ZNF784: variants seen among roughly 807,000 people sequenced by gnomAD.
ZNF784 encodes the protein zinc finger protein 784.
Under a neutral mutation model 3.3 loss-of-function variants are expected in ZNF784, and 5 were observed. That is an observed-to-expected ratio of 1.53 (90% CI 0.80 to 3.22). The LOEUF (loss-of-function observed/expected upper bound fraction) is 3.22, where lower values mean the gene tolerates loss of function less well. ZNF784 is among the 30% of genes most tolerant of loss of function. ZNF784 has a pLI of 0.00. For synonymous variants in ZNF784, 231 were observed against 219.6 expected (o/e 1.05, Z -0.46); for missense variants, 501 against 480.7 (o/e 1.04, Z -0.39).
rs1981586716 is a variant in ZNF784, at chr19:55,622,177, C to T, written c.546G>A (p.Val182=). The change falls in exon 2 of 2, where the codon GTG becomes GTA. Residue 182 remains valine, a synonymous_variant. Transcript: ENST00000325351. This position sits in a 1 kb window ranked among gnomAD's most constrained non-coding sequence, Gnocchi z 5.9. Reference sequence around the variant, plus strand: ...CTGCGCCCGCCGCCGCCGCCGCCATCACCACCTCCGCCCTCTCCGGGGCCA... The same window carrying T: ...CTGCGCCCGCCGCCGCCGCCGCCATTACCACCTCCGCCCTCTCCGGGGCCA... ...PGVAPERAEV[V]MAAAAAGAAV... 3.3e-6 allele frequency: 5 copies of T among 1,533,816 alleles called. No individual in the cohort carries two copies. The highest frequency in any genetic ancestry group is 2.0e-5 in the Admixed American group (1 of 50,874).
intron 1 of ZNF784, among the ~76,000 whole-genome samples, chr19:55,623,362 TCAA>T (rs1302751065): frequency 1.3e-5 from 2 of 152,172 alleles, no homozygotes; most frequent in Non-Finnish European, 2.9e-5. Flanking sequence ...TGTATCCTCA[TCAA>T]CATTTCCTCT....
chr19:55,621,860 T>A lies in ZNF784; in HGVS notation c.863A>T (p.Gln288Leu). The change falls in exon 2 of 2, where the codon CAG (glutamine) becomes CTG (leucine). Residue 288 changes from glutamine to leucine, a missense_variant. Coordinates refer to ENST00000325351, the MANE Select transcript of ZNF784 (RefSeq NM_203374.2). This position sits in a 1 kb window ranked among gnomAD's most constrained non-coding sequence, Gnocchi z 4.1. ...PGPGLGDSGGQLGSSAAEGSG... is the reference protein window; with the variant it reads ...PGPGLGDSGGLLGSSAAEGSG... ...CCCCTCAGCCGCCGACGAGCCCAGCTGGCCTCCAGAGTCTCCCAGCCCCGG... is the reference window on the plus strand; with the variant it reads ...CCCCTCAGCCGCCGACGAGCCCAGCAGGCCTCCAGAGTCTCCCAGCCCCGG... The A allele has an allele frequency of 2.5e-6, 4 of 1,571,726 alleles. No individual in the cohort carries two copies. The highest frequency in any genetic ancestry group is 3.4e-6 in the Non-Finnish European group (4 of 1,165,262).
In ZNF784 at chr19:55,622,517, A is replaced by G. The variant is rs761769271; in HGVS notation, c.206T>C (p.Leu69Ser). 1.9e-6 allele frequency: 3 copies of G among 1,612,762 alleles called. No homozygotes were observed. The highest frequency in any genetic ancestry group is 2.5e-6 in the Non-Finnish European group (3 of 1,179,778). Reference protein sequence around the residue: ...PPEPGSFHCALCPAAFRLVSE... With the variant: ...PPEPGSFHCASCPAAFRLVSE... ...AACCAGCCGGAAGGCAGCAGGGCAC[A>G]AGGCACAGTGGAAAGAACCTGGCTC... The change falls in exon 2 of 2, where the codon TTG (leucine) becomes TCG (serine). Residue 69 changes from leucine to serine, a missense_variant. Transcript: ENST00000325351. This position sits in a 1 kb window ranked among gnomAD's most constrained non-coding sequence, Gnocchi z 5.9.
At position 55,621,627 on chromosome 19, in the gene ZNF784, G is replaced by A. The variant is rs922671676; in HGVS notation, c.*124C>T. On this transcript the variant is annotated 3_prime_UTR_variant, in exon 2 of 2. Coordinates refer to ENST00000325351, the MANE Select transcript of ZNF784 (RefSeq NM_203374.2). The surrounding 1 kb of genome is among the most constrained non-coding windows in gnomAD (Gnocchi z 4.1). Reference sequence around the variant, plus strand: ...TCACTAGCGGCTCACAACCATCCCTGCAGCTGTCATCTCTCCCCCAATCTC... The same window carrying A: ...TCACTAGCGGCTCACAACCATCCCTACAGCTGTCATCTCTCCCCCAATCTC... The A allele has an allele frequency of 2.3e-6, 3 of 1,290,760 alleles. No homozygotes were observed. Among genetic ancestry groups the A allele is most frequent in the African/African-American group, 2.9e-5 (2 of 69,194 alleles). 80.0% of individuals were successfully genotyped at this position (1,290,760 alleles called of 1,614,324 possible).
rs1208462891 is a variant in ZNF784, at chr19:55,622,309, G to A, written c.414C>T (p.Phe138=). ...GCCGGAGCAGGGGCGCCAAGGCCTT[G>A]AAGGCGCGGGGGCAGAGCGCGCAGC... is the stretch of plus-strand genomic sequence containing the variant. ...PYRCALCPRA[F]KALAPLLRHQ... is the part of the protein sequence containing the mutation. Residue 138 remains phenylalanine, a synonymous_variant, in exon 2 of 2, where the codon TTC becomes TTT. Coordinates refer to ENST00000325351, the MANE Select transcript of ZNF784 (RefSeq NM_203374.2). This position sits in a 1 kb window ranked among gnomAD's most constrained non-coding sequence, Gnocchi z 5.9. The A allele has an allele frequency of 1.3e-6, 2 of 1,519,306 alleles. No individual in the cohort carries two copies. Among genetic ancestry groups the A allele is most frequent in the Non-Finnish European group, 1.8e-6 (2 of 1,135,840 alleles). The allele number at this position is 1,519,306 out of a possible 1,614,324, so 94.1% of individuals were successfully genotyped here.
chr19:55,623,975 C>T (rs73934393), intron 1 of ZNF784, among the ~76,000 whole-genome samples: 2,787 of 152,138 alleles, frequency 0.018, 96 homozygotes, highest in African/African-American at 0.064. Flanking sequence ...TCACCTAGAC[C>T]ACCCACTTCT....
chr19:55,622,450 G>T lies in ZNF784; in HGVS notation c.273C>A (p.Ala91=). 13 of 1,606,754 alleles carry T rather than the reference G, an allele frequency of 8.1e-6. No homozygotes were observed. Among genetic ancestry groups the T allele is most frequent in the Non-Finnish European group, 1.1e-5 (13 of 1,177,048 alleles). Residue 91 remains alanine, a synonymous_variant, in exon 2 of 2, where the codon GCC becomes GCA. Coordinates refer to ENST00000325351, the MANE Select transcript of ZNF784 (RefSeq NM_203374.2). This position sits in a 1 kb window ranked among gnomAD's most constrained non-coding sequence, Gnocchi z 5.9. ...GGTCCCCACCCTGCCCGCCTCCCTC[G>T]GCCCCAGCCAAGTGGCCATGTTCGT... is the stretch of plus-strand genomic sequence containing the variant. ...LFHEHGHLAG[A]EGGGQGGDPS...
chr19:55,622,016 G>A lies in ZNF784; in HGVS notation c.707C>T (p.Ser236Phe). 1 of 1,594,124 alleles carries A rather than the reference G, an allele frequency of 6.3e-7. No homozygotes were observed. The highest frequency in any genetic ancestry group is 1.7e-5 in the Admixed American group (1 of 59,454). Residue 236 changes from serine (S) to phenylalanine (F), a missense_variant, in exon 2 of 2, where the codon TCC becomes TTC. Coordinates refer to ENST00000325351, the MANE Select transcript of ZNF784 (RefSeq NM_203374.2). The surrounding 1 kb of genome is among the most constrained non-coding windows in gnomAD (Gnocchi z 5.9). ...CGICGKGFTQSSVLSGHARIH... is the reference protein window; with the variant it reads ...CGICGKGFTQFSVLSGHARIH... ...GCGGGCGTGGCCGCTAAGCACCGAG[G>A]ACTGGGTGAAGCCCTTGCCGCAGAT...
chr19:55,621,959 G>A lies in ZNF784; in HGVS notation c.764C>T (p.Thr255Met). The change falls in exon 2 of 2, where the codon ACG (threonine) becomes ATG (methionine). Residue 255 changes from threonine (T) to methionine (M), a missense_variant. Thr to Met is a moderately conservative substitution (Grantham distance 81). Transcript: ENST00000325351. This position sits in a 1 kb window ranked among gnomAD's most constrained non-coding sequence, Gnocchi z 4.1. ...GTTGTTGAAGGTGCGGTCGCAGAGC[G>A]TGCAGCGGAACGGGCGCTCGCCAGT... ...IHTGERPFRC[T>M]LCDRTFNNSS... The A allele has an allele frequency of 6.3e-7, 1 of 1,596,020 alleles. No homozygotes were observed. Among genetic ancestry groups the A allele is most frequent in the East Asian group, 2.2e-5 (1 of 44,652 alleles).
In ZNF784 at chr19:55,622,101, A is replaced by T. The variant is rs1269651948; in HGVS notation, c.622T>A (p.Ser208Thr). The stretch of plus-strand genomic sequence containing the variant: ...CGCTCGTGGTCTCGCATGTCTGAGG[A>T]GCGGCGGAAGGGCTTGGCGCAGAAC... The part of the protein sequence containing the change: ...CRFCAKPFRR[S>T]SDMRDHERVH... Residue 208 changes from serine to threonine, a missense_variant, in exon 2 of 2, where the codon TCC (serine) becomes ACC (threonine). Transcript: ENST00000325351. This position sits in a 1 kb window ranked among gnomAD's most constrained non-coding sequence, Gnocchi z 5.9. 1.3e-6 allele frequency: 2 copies of T among 1,566,726 alleles called. No homozygotes were observed. The highest frequency in any genetic ancestry group is 4.6e-5 in the East Asian group (2 of 43,190).
In ZNF784 at chr19:55,622,143, T is replaced by G; in HGVS notation, c.580A>C (p.Lys194Gln). 2.0e-6 allele frequency: 3 copies of G among 1,536,536 alleles called. No homozygotes were observed. Among genetic ancestry groups the G allele is most frequent in the Non-Finnish European group, 2.6e-6 (3 of 1,147,094 alleles). The change falls in exon 2 of 2, where the codon AAG becomes CAG. Residue 194 changes from lysine (K) to glutamine (Q), a missense_variant. Transcript: ENST00000325351. This position sits in a 1 kb window ranked among gnomAD's most constrained non-coding sequence, Gnocchi z 5.9. ...GCGCAGAACCTGCAGGCAAAAGGCT[T>G]CCCCACCGCTGCGCCCGCCGCCGCC... ...AAAAAGAAVG[K>Q]PFACRFCAKP... is the part of the protein sequence containing the mutation.
At position 55,621,672 on chromosome 19, in the gene ZNF784, T is replaced by C; in HGVS notation, c.*79A>G. The C allele has an allele frequency of 7.4e-6, 11 of 1,486,298 alleles. No individual in the cohort carries two copies. The highest frequency in any genetic ancestry group is 2.3e-5 in the East Asian group (1 of 43,258). 92.1% of individuals were successfully genotyped at this position (1,486,298 alleles called of 1,614,324 possible). A position where few individuals can be genotyped will look rare whatever the true frequency, so the allele number is the denominator to read the frequency against. ...AATCTCCCCTCTTCTGTCCCCTGCC[T>C]CCGTTTCCCCACCCCGTCCCCCTCC... On this transcript the variant is annotated 3_prime_UTR_variant, in exon 2 of 2. Coordinates refer to ENST00000325351, the MANE Select transcript of ZNF784 (RefSeq NM_203374.2). The surrounding 1 kb of genome is among the most constrained non-coding windows in gnomAD (Gnocchi z 4.1).
At position 55,621,971 on chromosome 19, in the gene ZNF784, G is replaced by A; in HGVS notation, c.752C>T (p.Pro251Leu). ...GCGGTCGCAGAGCGTGCAGCGGAAC[G>A]GGCGCTCGCCAGTGTGGATGCGGGC... ...GHARIHTGER[P>L]FRCTLCDRTF... Residue 251 changes from proline to leucine, a missense_variant, in exon 2 of 2, where the codon CCG (proline) becomes CTG (leucine). Physicochemically the swap from Pro to Leu is moderately conservative, Grantham distance 98. Coordinates refer to ENST00000325351, the MANE Select transcript of ZNF784 (RefSeq NM_203374.2). The surrounding 1 kb of genome is among the most constrained non-coding windows in gnomAD (Gnocchi z 4.1). 1 of 1,595,128 alleles carries A rather than the reference G, an allele frequency of 6.3e-7. No individual in the cohort carries two copies. Among genetic ancestry groups the A allele is most frequent in the South Asian group, 1.1e-5 (1 of 90,172 alleles).
chr19:55,623,416 A>G (rs1981637757), intron 1 of ZNF784, among the ~76,000 whole-genome samples: 1 of 152,026 alleles, frequency 6.6e-6, no homozygotes, highest in Non-Finnish European at 1.5e-5. Context: ...TTTGTCCTCC[A>G]CCCTAGTTAA....
intron 1 of ZNF784, among the ~76,000 whole-genome samples, chr19:55,624,064 C>A (rs1981657416): frequency 6.6e-6 from 1 of 152,130 alleles, no homozygotes; most frequent in Admixed American, 6.6e-5. Flanking sequence ...GACATAGGTG[C>A]TCCAATCATA....
At position 55,622,202 on chromosome 19, in the gene ZNF784, AC is replaced by A; in HGVS notation, c.520del (p.Val174TrpfsTer9). On this transcript the variant is annotated frameshift_variant, in exon 2 of 2. Coordinates refer to ENST00000325351, the MANE Select transcript of ZNF784 (RefSeq NM_203374.2). LOFTEE classifies it low-confidence loss of function (END_TRUNC). This position sits in a 1 kb window ranked among gnomAD's most constrained non-coding sequence, Gnocchi z 5.9. ...CACCACCTCCGCCCTCTCCGGGGCC[AC>A]CCCGGGCCTCTGTTCTGCAACGGCC... Reference protein sequence around the residue: ...TAAVAEQRPGVAPERAEVVMA... With the variant: ...TAAVAEQRPGXAPERAEVVMA... 1 of 1,533,636 alleles carries A rather than the reference AC, an allele frequency of 6.5e-7. No individual in the cohort carries two copies. Among genetic ancestry groups the A allele is most frequent in the South Asian group, 1.2e-5 (1 of 83,842 alleles).
chr19:55,621,621 A>G lies in ZNF784; in HGVS notation c.*130T>C. ...TCTCCATCACTAGCGGCTCACAACC[A>G]TCCCTGCAGCTGTCATCTCTCCCCC... On this transcript the variant is annotated 3_prime_UTR_variant, in exon 2 of 2. Coordinates refer to ENST00000325351, the MANE Select transcript of ZNF784 (RefSeq NM_203374.2). This position sits in a 1 kb window ranked among gnomAD's most constrained non-coding sequence, Gnocchi z 4.1. The G allele has an allele frequency of 8.0e-7, 1 of 1,247,280 alleles. No individual in the cohort carries two copies. Among genetic ancestry groups the G allele is most frequent in the East Asian group, 2.5e-5 (1 of 40,710 alleles). The allele number at this position is 1,247,280 out of a possible 1,614,324, so 77.3% of individuals were successfully genotyped here.
chr19:55,621,352 C>T lies in ZNF784; in HGVS notation c.*399G>A, dbSNP rs186134244. The T allele has an allele frequency of 4.1e-4, 127 of 309,816 alleles. No homozygotes were observed. In the Middle Eastern group the frequency reaches 4.5e-3, roughly 11 times the overall value. 19.2% of individuals were successfully genotyped at this position (309,816 alleles called of 1,614,324 possible). On this transcript the variant is annotated 3_prime_UTR_variant, in exon 2 of 2. Coordinates refer to ENST00000325351, the MANE Select transcript of ZNF784 (RefSeq NM_203374.2). The surrounding 1 kb of genome is among the most constrained non-coding windows in gnomAD (Gnocchi z 4.1). ...CAGAGCAGAAGACTATGGTGGACCC[C>T]AATTCCCCCCTTCCATTCGATCCTG...
chr19:55,624,167 C>T (rs1981661624), intron 1 of ZNF784, among the ~76,000 whole-genome samples: 1 of 151,944 alleles, frequency 6.6e-6, no homozygotes, highest in Non-Finnish European at 1.5e-5. Context: ...AGGCTCCACC[C>T]AAATTATGCA....
Sources: allele counts gnomAD v4.1 joint callset (sites outside exome capture counted in the v4.1 genomes callset), GRCh38; gene constraint gnomAD v4.1.1; non-coding constraint Gnocchi (gnomAD v3.1); transcripts MANE v1.5; gene names NCBI Gene and HGNC (gene_info 2026-07-23, HGNC 2026-07-21).